ARHGEF28: variants seen among roughly 807,000 people sequenced by gnomAD.
ARHGEF28 encodes Rho guanine nucleotide exchange factor 28.
A neutral mutation model predicts 206.6 loss-of-function variants in ARHGEF28; 152 were observed. The ratio of observed to expected loss-of-function variants is 0.74; its 90% CI spans 0.64 to 0.84. The LOEUF is 0.84. Among genes scored for constraint, ARHGEF28 ranks in the 40% least tolerant of loss-of-function variants. The pLI, the probability that ARHGEF28 is intolerant of heterozygous loss-of-function variation, is 0.00. For synonymous variants in ARHGEF28, 763 were observed against 776.4 expected (o/e 0.98, Z 0.29); for missense variants, 2,028 against 2,073.2 (o/e 0.98, Z 0.42).
rs563910196 is a variant in ARHGEF28, at chr5:73,670,953, A to G, written c.-11-13888A>G. ...CTTACATGGGCTTTCACAGAGCGAAATTTTGATGTCTGGCATGGTTTAAAA... is the reference window on the plus strand; with the variant it reads ...CTTACATGGGCTTTCACAGAGCGAAGTTTTGATGTCTGGCATGGTTTAAAA... On this transcript the variant is annotated intron_variant, in intron 1 of 35. Coordinates refer to ENST00000513042, the MANE Select transcript of ARHGEF28 (RefSeq NM_001177693.2). 2.0e-5 allele frequency among the ~76,000 whole-genome samples: 3 copies of G among 152,080 alleles called. No homozygotes were observed. In the East Asian group the frequency reaches 5.8e-4, roughly 29 times the overall value.
At chr5:73,634,583 CAT>C (rs778535096) in intron 1 of ARHGEF28, among the ~76,000 whole-genome samples, 6 of 152,184 alleles carry the variant, frequency 3.9e-5, no homozygotes, top group Non-Finnish European at 7.4e-5. Flanking sequence ...GTTGGAATGA[CAT>C]GTGCTTGTCT....
At chr5:73,832,642 A>G (rs1282248792) in intron 10 of ARHGEF28, among the ~76,000 whole-genome samples, 183 bp downstream of exon 10, 2 of 152,180 alleles carry the variant, frequency 1.3e-5, no homozygotes, top group African/African-American at 4.8e-5. Context: ...TTACTTCAGA[A>G]CACAAGACAC....
intron 26 of ARHGEF28, among the ~76,000 whole-genome samples, chr5:73,887,889 G>A (rs1040576130): frequency 6.6e-6 from 1 of 152,198 alleles, no homozygotes; most frequent in Non-Finnish European, 1.5e-5. Flanking sequence ...CACAACCAGG[G>A]CTGGTACTCA....
At chr5:73,721,234 C>T (rs1749921479) in intron 2 of ARHGEF28, among the ~76,000 whole-genome samples, 1 of 152,148 alleles carries the variant, frequency 6.6e-6, no homozygotes, top group South Asian at 2.1e-4. Flanking sequence ...TTGCATTGTC[C>T]TGCCATGGTG....
chr5:73,925,592 T>TA (rs1341011284), intron 35 of ARHGEF28, among the ~76,000 whole-genome samples: 2 of 152,216 alleles, frequency 1.3e-5, no homozygotes, highest in African/African-American at 4.8e-5. Context: ...TCTGTCACCC[T>TA]AGAAAGTTCC....
chr5:73,688,458 C>T (rs958014391), intron 2 of ARHGEF28, among the ~76,000 whole-genome samples: 2 of 152,158 alleles, frequency 1.3e-5, no homozygotes, highest in African/African-American at 4.8e-5. Flanking sequence ...TGATAGACAT[C>T]TTTATACCTA....
At chr5:73,645,503 C>A (rs1296386662) in intron 1 of ARHGEF28, among the ~76,000 whole-genome samples, 1 of 152,102 alleles carries the variant, frequency 6.6e-6, no homozygotes, top group Non-Finnish European at 1.5e-5. Context: ...AAATTACTCA[C>A]TATGAATTTC....
intron 10 of ARHGEF28, among the ~76,000 whole-genome samples, chr5:73,836,293 T>A (rs1362127635): frequency 2.1e-5 from 3 of 146,188 alleles, no homozygotes; most frequent in African/African-American, 7.6e-5. Context: ...TTTCTCCACA[T>A]CCTTGTCAGC....
intron 1 of ARHGEF28, among the ~76,000 whole-genome samples, chr5:73,678,240 AT>A (rs1746824492): frequency 6.6e-6 from 1 of 152,152 alleles, no homozygotes; most frequent in Admixed American, 6.5e-5. Flanking sequence ...ATGAAATTCT[AT>A]AGGGCTTTTA....
intron 1 of ARHGEF28, among the ~76,000 whole-genome samples, chr5:73,630,743 A>T (rs1311218194): frequency 1.3e-5 from 2 of 152,212 alleles, no homozygotes; most frequent in Non-Finnish European, 2.9e-5. Context: ...TAAAATGGAA[A>T]GGATTAGACT....
At position 73,935,051 on chromosome 5, in the gene ARHGEF28, A is replaced by G. The variant is rs550932960; in HGVS notation, c.4949-5793A>G. 2.0e-5 allele frequency among the ~76,000 whole-genome samples: 3 copies of G among 152,194 alleles called. No homozygotes were observed. In the East Asian group the frequency reaches 5.8e-4, roughly 29 times the overall value. Reference sequence around the variant, plus strand: ...ACAGCAGAGAGGACTGATGTACTGTATCATATCTCCTGTTAATATAATCTC... The same window carrying G: ...ACAGCAGAGAGGACTGATGTACTGTGTCATATCTCCTGTTAATATAATCTC... On this transcript the variant is annotated intron_variant, in intron 35 of 35. Transcript: ENST00000513042.
At chr5:73,871,362 A>G (rs1418979703) in intron 21 of ARHGEF28, among the ~76,000 whole-genome samples, 1 of 152,244 alleles carries the variant, frequency 6.6e-6, no homozygotes, top group Non-Finnish European at 1.5e-5. Flanking sequence ...CTTAGCATAG[A>G]GTAGGCACTA....
At chr5:73,652,612 G>A (rs1472847939) in intron 1 of ARHGEF28, among the ~76,000 whole-genome samples, 4 of 152,200 alleles carry the variant, frequency 2.6e-5, no homozygotes, top group African/African-American at 2.4e-5. Context: ...AGTGACATGA[G>A]GAAAGTGGTT....
intron 9 of ARHGEF28, among the ~76,000 whole-genome samples, chr5:73,814,566 G>A (rs1337049374): frequency 1.3e-5 from 2 of 152,026 alleles, no homozygotes; most frequent in Admixed American, 6.6e-5. Flanking sequence ...GTGCAGGGAC[G>A]CGTGTGCTTA....
Position 73,672,173 on chromosome 5 carries a change from A to G in ARHGEF28, c.-11-12668A>G, listed in dbSNP as rs556173707. On this transcript the variant is annotated intron_variant, in intron 1 of 35. Coordinates refer to ENST00000513042, the MANE Select transcript of ARHGEF28 (RefSeq NM_001177693.2). Reference sequence around the variant, plus strand: ...TCTGGCAAAAGGACTCCTGGCCCCTATAAGTCTATTCATTTTTGTCACAAA... The same window carrying G: ...TCTGGCAAAAGGACTCCTGGCCCCTGTAAGTCTATTCATTTTTGTCACAAA... Among the ~76,000 whole-genome samples the G allele has an allele frequency of 2.0e-4, 31 of 152,268 alleles. No individual in the cohort carries two copies. In the South Asian group the frequency reaches 2.5e-3, roughly 12 times the overall value.
At position 73,909,915 on chromosome 5, in the gene ARHGEF28, T is replaced by A; in HGVS notation, c.4647+18T>A. 1 of 1,486,394 alleles carries A rather than the reference T, an allele frequency of 6.7e-7. No homozygotes were observed. The highest frequency in any genetic ancestry group is 8.9e-7 in the Non-Finnish European group (1 of 1,127,268). 92.1% of individuals were successfully genotyped at this position (1,486,394 alleles called of 1,614,324 possible). A position where few individuals can be genotyped will look rare whatever the true frequency, so the allele number is the denominator to read the frequency against. On this transcript the variant is annotated intron_variant, in intron 34 of 35. Coordinates refer to ENST00000513042, the MANE Select transcript of ARHGEF28 (RefSeq NM_001177693.2). ...GCCCCGAGGTATGGACCTTCTGCGG[T>A]GCTGTGAGGCAGCCTCTCAAAGACA...
intron 2 of ARHGEF28, among the ~76,000 whole-genome samples, chr5:73,724,112 C>G (rs1750140760): frequency 6.6e-6 from 1 of 152,200 alleles, no homozygotes; most frequent in African/African-American, 2.4e-5. Flanking sequence ...TAAAAATTCT[C>G]ATTCCTCTAT....
In ARHGEF28 at chr5:73,887,584, T is replaced by G. The variant is rs758930587; in HGVS notation, c.3311-19T>G. The G allele has an allele frequency of 5.9e-6, 9 of 1,527,608 alleles. No homozygotes were observed. The highest frequency in any genetic ancestry group is 1.4e-5 in the African/African-American group (1 of 72,384). The allele number at this position is 1,527,608 out of a possible 1,614,324, so 94.6% of individuals were successfully genotyped here. A position where few individuals can be genotyped will look rare whatever the true frequency, so the allele number is the denominator to read the frequency against. ...CTGTGGTTTGCTTCATTAATACTAG[T>G]AATGTTTTTTCTTTAAAGATATCCT... On this transcript the variant is annotated intron_variant, in intron 25 of 35. Coordinates refer to ENST00000513042, the MANE Select transcript of ARHGEF28 (RefSeq NM_001177693.2).
intron 35 of ARHGEF28, among the ~76,000 whole-genome samples, chr5:73,916,315 T>C (rs2111947449): frequency 6.6e-6 from 1 of 152,250 alleles, no homozygotes; most frequent in South Asian, 2.1e-4. Context: ...TTGAAACTGG[T>C]ATTAGACACC....
Sources: gnomAD v4.1 joint callset for allele counts (sites outside exome capture counted in the v4.1 genomes callset) on GRCh38, gnomAD v4.1.1 for gene constraint, MANE v1.5 for transcripts, NCBI Gene and HGNC (gene_info 2026-07-23, HGNC 2026-07-21) for gene names.